The following CNBD1 variants were observed in gnomAD, a reference collection of about 807,000 sequenced individuals.
CNBD1 encodes cyclic nucleotide binding domain containing 1.
CNBD1 carries 71 observed loss-of-function variants against 54.4 expected under a neutral mutation model. The ratio of observed to expected loss-of-function variants is 1.30; its 90% CI spans 1.08 to 1.59. CNBD1 has a LOEUF of 1.59. Among genes scored for constraint, CNBD1 ranks in the 40% most tolerant of loss-of-function variants. The pLI is 0.00. For synonymous variants in CNBD1, 182 were observed against 170.7 expected (o/e 1.07, Z -0.51); for missense variants, 659 against 518.0 (o/e 1.27, Z -2.64).
intron 8 of CNBD1, among the ~76,000 whole-genome samples, chr8:87,336,983 G>T (rs956890890): frequency 1.3e-5 from 2 of 152,196 alleles, no homozygotes; most frequent in East Asian, 1.9e-4. Context: ...TTTGCTGGGG[G>T]TTCACTTCAG....
intron 4 of CNBD1, among the ~76,000 whole-genome samples, chr8:86,974,786 T>A (rs927498498): frequency 2.6e-5 from 4 of 152,058 alleles, no homozygotes; most frequent in African/African-American, 9.7e-5. Flanking sequence ...GGAAATGTTC[T>A]ATTCTTAAGC....
chr8:86,942,923 T>C (rs1409437096), intron 4 of CNBD1, among the ~76,000 whole-genome samples: 2 of 152,226 alleles, frequency 1.3e-5, no homozygotes, highest in Admixed American at 6.5e-5. Flanking sequence ...TCTGTGGCCT[T>C]TTGTTTATCT....
intron 4 of CNBD1, among the ~76,000 whole-genome samples, chr8:87,061,230 G>A (rs886211160): frequency 6.6e-6 from 1 of 152,110 alleles, no homozygotes; most frequent in Non-Finnish European, 1.5e-5. Context: ...TTTGTGTCAT[G>A]CAAGTGACAA....
At chr8:87,410,876 C>T (rs1183956393) in intron 2 of CNBD1, among the ~76,000 whole-genome samples, 2 of 152,084 alleles carry the variant, frequency 1.3e-5, no homozygotes, top group African/African-American at 4.8e-5. Context: ...CAAGGAAAGA[C>T]CCTCCATCTG....
At chr8:87,335,247 C>A (rs759799250) in intron 8 of CNBD1, among the ~76,000 whole-genome samples, 6 of 152,040 alleles carry the variant, frequency 3.9e-5, no homozygotes, top group Non-Finnish European at 7.4e-5. Context: ...GAGTTTGAAT[C>A]CTGAATATCC....
chr8:87,063,897 T>C (rs2130643077), intron 4 of CNBD1, among the ~76,000 whole-genome samples: 1 of 152,134 alleles, frequency 6.6e-6, no homozygotes, highest in South Asian at 2.1e-4. Context: ...TTTTATTTTT[T>C]ATTTACTTAT....
At chr8:87,076,284 T>A (rs1810871373) in intron 4 of CNBD1, among the ~76,000 whole-genome samples, 1 of 152,212 alleles carries the variant, frequency 6.6e-6, no homozygotes, top group African/African-American at 2.4e-5. Context: ...AATCACAACC[T>A]ATATCTGGAT....
intron 8 of CNBD1, among the ~76,000 whole-genome samples, chr8:87,294,414 G>A (rs940794131): frequency 1.3e-5 from 2 of 152,122 alleles, no homozygotes; most frequent in Non-Finnish European, 2.9e-5. Context: ...ACACACATCA[G>A]ACACTGAGAA....
At chr8:86,888,850 AT>A (rs1808718877) in intron 2 of CNBD1, among the ~76,000 whole-genome samples, 1 of 152,052 alleles carries the variant, frequency 6.6e-6, no homozygotes, top group South Asian at 2.1e-4. Context: ...ATTTTTCAAA[AT>A]ACTTCTAGTT....
chr8:87,052,607 G>T (rs1810333421), intron 4 of CNBD1, among the ~76,000 whole-genome samples: 1 of 152,092 alleles, frequency 6.6e-6, no homozygotes, highest in Non-Finnish European at 1.5e-5. Flanking sequence ...TCCTGTTATT[G>T]TTCTCTAATC....
chr8:87,324,601 G>A (rs371319822), intron 8 of CNBD1, among the ~76,000 whole-genome samples: 51,659 of 143,026 alleles, frequency 0.36, 9,694 homozygotes, highest in Middle Eastern at 0.45. Context: ...AGAGGTGTTT[G>A]TAGTATTCTC....
At chr8:87,064,425 C>T (rs1232169094) in intron 4 of CNBD1, among the ~76,000 whole-genome samples, 1 of 151,816 alleles carries the variant, frequency 6.6e-6, no homozygotes, top group Non-Finnish European at 1.5e-5. Context: ...CGAATTGATA[C>T]TTTTATTTTC....
chr8:87,164,302 T>C (rs1258003713), intron 4 of CNBD1, among the ~76,000 whole-genome samples: 2 of 151,928 alleles, frequency 1.3e-5, no homozygotes, highest in Non-Finnish European at 2.9e-5. Flanking sequence ...AATGCTGGCC[T>C]CCTCAAATAA....
intron 2 of CNBD1, among the ~76,000 whole-genome samples, chr8:87,424,409 A>T (rs1406319631): frequency 6.6e-6 from 1 of 152,102 alleles, no homozygotes; most frequent in Non-Finnish European, 1.5e-5. Context: ...TCTTGTGGGC[A>T]TTTAGTGCTA....
rs778478148 is a variant in CNBD1 at position 87,353,747 on chromosome 8, G to T, written c.1264G>T (p.Glu422Ter). 6.2e-7 allele frequency: 1 copy of T among 1,611,008 alleles called. No homozygotes were observed. The highest frequency in any genetic ancestry group is 1.1e-5 in the South Asian group (1 of 90,248). The part of the protein sequence containing the change: ...PFTCTIITKK[E>*]VEMAIIEDKD... The stretch of plus-strand genomic sequence containing the variant: ...CACGTGCACAATCATTACCAAAAAA[G>T]AAGTTGAGATGGCAATCATTGAAGA... The change falls in exon 10 of 11, where the codon GAA becomes TAA. Residue 422 changes from glutamate (E) to a stop codon, truncating the protein, a stop_gained. Coordinates refer to ENST00000518476, the MANE Select transcript of CNBD1 (RefSeq NM_173538.3). LOFTEE classifies it high-confidence loss of function.
At chr8:87,240,044 A>G (rs1263041466) in intron 6 of CNBD1, among the ~76,000 whole-genome samples, 4 of 150,516 alleles carry the variant, frequency 2.7e-5, no homozygotes, top group Non-Finnish European at 5.9e-5. Flanking sequence ...CTCAGCATAA[A>G]TATAGTATGG....
At chr8:87,222,945 T>C (rs546116415) in intron 5 of CNBD1, among the ~76,000 whole-genome samples, 54 of 152,232 alleles carry the variant, frequency 3.5e-4, no homozygotes, top group Admixed American at 2.7e-3. Context: ...AATACTTTTA[T>C]GAAACTTATT....
intron 8 of CNBD1, among the ~76,000 whole-genome samples, chr8:87,342,497 T>C (rs184439225): frequency 3.5e-4 from 53 of 152,300 alleles, no homozygotes; most frequent in African/African-American, 1.2e-3. Context: ...ATGAAAATAA[T>C]GTAAACATTA....
In CNBD1 at chr8:86,946,831, T is replaced by A. The variant is rs1435546503; in HGVS notation, c.431+7077T>A. The stretch of plus-strand genomic sequence containing the variant: ...TGTCTGACTGTACAAAAATATTACT[T>A]GCCTTCCTCATGCAGTTATTCTTAT... On this transcript the variant is annotated intron_variant, in intron 4 of 10. Transcript: ENST00000518476. Among the ~76,000 whole-genome samples the A allele has an allele frequency of 2.6e-5, 4 of 152,158 alleles. No individual in the cohort carries two copies. The East Asian group carries it at 7.7e-4, about 29-fold the overall frequency.
Sources: gnomAD v4.1 joint callset for allele counts (sites outside exome capture counted in the v4.1 genomes callset) on GRCh38, gnomAD v4.1.1 for gene constraint, MANE v1.5 for transcripts, NCBI Gene and HGNC (gene_info 2026-07-23, HGNC 2026-07-21) for gene names.